PTK2: variants seen among roughly 807,000 people sequenced by gnomAD.
PTK2 encodes focal adhesion kinase 1.
PTK2 carries 45 observed loss-of-function variants against 150.1 expected under a neutral mutation model. That is an observed-to-expected ratio of 0.30 (90% CI 0.24 to 0.38). The LOEUF (loss-of-function observed/expected upper bound fraction) is 0.38. Ranked by LOEUF, PTK2 falls within the 10% of genes least tolerant of loss-of-function variation. The probability of loss-of-function intolerance (pLI) is 1.00; values close to 1 mark genes in which losing one functional copy is unlikely to be tolerated. For missense variants in PTK2, 919 were observed against 1,307.3 expected (o/e 0.70, Z 4.58); for synonymous variants, 432 against 449.2 (o/e 0.96, Z 0.48).
At chr8:140,932,476 A>T (rs956802620) in intron 1 of PTK2, among the ~76,000 whole-genome samples, 1 of 152,174 alleles carries the variant, frequency 6.6e-6, no homozygotes, top group Non-Finnish European at 1.5e-5. Flanking sequence ...TCAGCCTCCC[A>T]AAGTGCTGGG....
At chr8:140,738,013 G>A (rs2100053575) in intron 21 of PTK2, among the ~76,000 whole-genome samples, 1 of 151,994 alleles carries the variant, frequency 6.6e-6, no homozygotes, top group Admixed American at 6.6e-5. Context: ...TAAGTAAACA[G>A]AAGAAAAAAA....
At position 140,797,154 on chromosome 8, in the gene PTK2, C is replaced by T. The variant is rs1433612478; in HGVS notation, c.1093+3305G>A. Among the ~76,000 whole-genome samples the T allele has an allele frequency of 6.6e-5, 10 of 150,450 alleles. No homozygotes were observed. In the East Asian group the frequency reaches 1.8e-3, roughly 27 times the overall value. On this transcript the variant is annotated intron_variant, in intron 12 of 31. Coordinates refer to ENST00000522684, the Ensembl canonical transcript of PTK2. Reference sequence around the variant, plus strand: ...AATCATGAGTCATTCTGGCATTCTCCAGAAGTCTTGCCAGTGGTGGTTATC... The same window carrying T: ...AATCATGAGTCATTCTGGCATTCTCTAGAAGTCTTGCCAGTGGTGGTTATC...
chr8:140,685,282 A>G (rs1377210277), intron 27 of PTK2, among the ~76,000 whole-genome samples: 1 of 152,244 alleles, frequency 6.6e-6, no homozygotes, highest in Non-Finnish European at 1.5e-5. Flanking sequence ...ACCTAGAACT[A>G]TAAAAACCCT....
chr8:140,825,350 T>C (rs1038342822), intron 8 of PTK2, among the ~76,000 whole-genome samples: 3 of 152,174 alleles, frequency 2.0e-5, no homozygotes, highest in South Asian at 4.1e-4. Context: ...GGTGAAAATA[T>C]TAAGCTTAAA....
chr8:140,968,891 G>A (rs982649410), intron 1 of PTK2, among the ~76,000 whole-genome samples: 11 of 152,344 alleles, frequency 7.2e-5, no homozygotes, highest in African/African-American at 2.6e-4. Flanking sequence ...CAACTCCTAT[G>A]GGGGCTGGAA....
At chr8:140,972,334 G>A (rs770501331) in intron 1 of PTK2, among the ~76,000 whole-genome samples, 8 of 151,844 alleles carry the variant, frequency 5.3e-5, no homozygotes, top group Non-Finnish European at 8.8e-5. Flanking sequence ...GCATGATCTC[G>A]GCTCACTGCA....
chr8:140,680,519 T>A (rs1242976190), intron 27 of PTK2, among the ~76,000 whole-genome samples: 1 of 152,224 alleles, frequency 6.6e-6, no homozygotes, highest in Non-Finnish European at 1.5e-5. Flanking sequence ...TTCTGCATAA[T>A]CCTTCTATCC....
chr8:140,880,390 G>A (rs994121983), intron 3 of PTK2, among the ~76,000 whole-genome samples: 5 of 152,142 alleles, frequency 3.3e-5, no homozygotes, highest in African/African-American at 1.2e-4. Flanking sequence ...CTCTTGCCCT[G>A]TACCTACCTA....
intron 1 of PTK2, among the ~76,000 whole-genome samples, chr8:140,990,013 A>G (rs1159146025): frequency 6.6e-6 from 1 of 152,096 alleles, no homozygotes; most frequent in Non-Finnish European, 1.5e-5. Flanking sequence ...CAGAGGGGAG[A>G]CAGGTTATAA....
rs529757904 is a variant in PTK2, at chr8:140,662,436, C to T, written c.2946+2481G>A. On this transcript the variant is annotated intron_variant, in intron 31 of 31. Coordinates refer to ENST00000522684, the Ensembl canonical transcript of PTK2. The stretch of plus-strand genomic sequence containing the variant: ...ACAAATAGTCCCACTAAAATATCCA[C>T]TTGGTAGGACACCATTTTCTTGCCT... Among the ~76,000 whole-genome samples the T allele has an allele frequency of 4.6e-5, 7 of 152,282 alleles. No homozygotes were observed. In the East Asian group the frequency reaches 9.6e-4, roughly 21 times the overall value.
At chr8:140,802,275 C>T (rs4961293) in intron 11 of PTK2, among the ~76,000 whole-genome samples, 88,782 of 151,618 alleles carry the variant, frequency 0.59, 27,753 homozygotes, top group African/African-American at 0.81. Flanking sequence ...CCTAGGCTAG[C>T]GTGTATGTTT....
intron 27 of PTK2, among the ~76,000 whole-genome samples, chr8:140,682,978 C>A (rs1218249301): frequency 6.6e-6 from 1 of 152,048 alleles, no homozygotes; most frequent in Non-Finnish European, 1.5e-5. Flanking sequence ...CCAAAGCTAA[C>A]AGAAAACAAG....
At chr8:140,793,249 T>C in intron 13 of PTK2, 105 bp downstream of exon 13, 2 of 1,231,228 alleles carry the variant, frequency 1.6e-6, no homozygotes, top group Non-Finnish European at 2.3e-6. Flanking sequence ...TCCTTGATCA[T>C]GTATATTGAA....
At chr8:140,752,817 AAAG>A (rs939767844) in intron 16 of PTK2, among the ~76,000 whole-genome samples, 4 of 152,248 alleles carry the variant, frequency 2.6e-5, no homozygotes, top group African/African-American at 9.6e-5. Flanking sequence ...CAAAAAAACT[AAAG>A]GAGGGAGGAG....
At chr8:140,691,594 C>T (rs370322392) in intron 26 of PTK2, among the ~76,000 whole-genome samples, 30 of 152,300 alleles carry the variant, frequency 2.0e-4, no homozygotes, top group African/African-American at 6.3e-4. Flanking sequence ...CTCACCGCTG[C>T]GTCTCTGTTA....
intron 1 of PTK2, among the ~76,000 whole-genome samples, chr8:140,943,793 T>C (rs1354917163): frequency 6.6e-6 from 1 of 152,220 alleles, no homozygotes; most frequent in Non-Finnish European, 1.5e-5. Context: ...TGCAATGATA[T>C]CTCGTGTGGT....
At chr8:140,908,551 G>C (rs975282707) in intron 2 of PTK2, among the ~76,000 whole-genome samples, 2 of 152,246 alleles carry the variant, frequency 1.3e-5, no homozygotes, top group African/African-American at 4.8e-5. Flanking sequence ...TCAGAGGACA[G>C]GCTGTCTCTC....
Position 140,976,372 on chromosome 8 carries a change from C to T in PTK2, c.-122+24753G>A, listed in dbSNP as rs536264506. ...TTAACTGATAATTTTCAAGTTAATG[C>T]TACTTTCTGGGGAGAAAAAAATGAA... On this transcript the variant is annotated intron_variant, in intron 1 of 31. Transcript: ENST00000522684. Among the ~76,000 whole-genome samples, 52 of 152,268 alleles carry T rather than the reference C, an allele frequency of 3.4e-4. 1 individual carries two copies. The South Asian group carries it at 0.011, about 31-fold the overall frequency.
At chr8:140,700,762 C>T in intron 26 of PTK2, 129 bp downstream of exon 29, 1 of 1,295,604 alleles carries the variant, frequency 7.7e-7, no homozygotes, top group East Asian at 2.6e-5. Flanking sequence ...CTGGCCTATT[C>T]CAAGTTTTAA....
Sources: gnomAD v4.1 joint callset for allele counts (sites outside exome capture counted in the v4.1 genomes callset) on GRCh38, gnomAD v4.1.1 for gene constraint, MANE v1.5 for transcripts, NCBI Gene and HGNC (gene_info 2026-07-23, HGNC 2026-07-21) for gene names.